The following ADAM22 variants were observed in gnomAD, a reference collection of about 807,000 sequenced individuals.
ADAM22 encodes the protein disintegrin and metalloproteinase domain-containing protein 22.
ADAM22 carries 65 observed loss-of-function variants against 144.6 expected under a neutral mutation model. That is an observed-to-expected ratio of 0.45 (90% confidence interval 0.37 to 0.55). The LOEUF (loss-of-function observed/expected upper bound fraction) is 0.55. Among genes scored for constraint, ADAM22 ranks in the 20% least tolerant of loss-of-function variants. ADAM22 has a pLI of 0.00. For synonymous variants in ADAM22, 391 were observed against 412.6 expected (o/e 0.95, Z 0.63); for missense variants, 974 against 1,184.9 (o/e 0.82, Z 2.61).
rs190370193 is a variant in ADAM22, at chr7:88,014,550, C to G, written c.323+36138C>G. ...CTGAGGTCAGGAATTTGACACTAAC[C>G]TAGCCAACATGGCAAAAACCCGTCT... On this transcript the variant is annotated intron_variant, in intron 3 of 31. Coordinates refer to ENST00000413139, the MANE Select transcript of ADAM22 (RefSeq NM_001324418.2). 1.5e-3 allele frequency among the ~76,000 whole-genome samples: 234 copies of G among 152,202 alleles called. 4 individuals are homozygous for G. The highest frequency in any genetic ancestry group is 4.2e-4 in the South Asian group (2 of 4,814).
chr7:88,119,637 C>T (rs1465079490), intron 7 of ADAM22, among the ~76,000 whole-genome samples: 1 of 152,118 alleles, frequency 6.6e-6, no homozygotes, highest in African/African-American at 2.4e-5. Context: ...TACAGGCATG[C>T]ACTATCATGC....
chr7:87,963,934 T>C (rs1332292999), intron 2 of ADAM22, among the ~76,000 whole-genome samples: 1 of 152,228 alleles, frequency 6.6e-6, no homozygotes, highest in Admixed American at 6.5e-5. Context: ...CTTTTAAATA[T>C]TCAGATGTGA....
intron 29 of ADAM22, 185 bp from the exon 30 acceptor site, chr7:88,186,430 T>C (rs971649766): frequency 1.6e-6 from 1 of 609,600 alleles, no homozygotes; most frequent in Non-Finnish European, 2.9e-6. Context: ...TGAGCCTTGT[T>C]GTAGCTGAGA....
intron 22 of ADAM22, among the ~76,000 whole-genome samples, chr7:88,162,074 G>T (rs1254608867): frequency 7.4e-6 from 1 of 135,636 alleles, no homozygotes; most frequent in Non-Finnish European, 1.5e-5. Flanking sequence ...ATCAGTGGCA[G>T]ACTGGATAAA....
intron 3 of ADAM22, among the ~76,000 whole-genome samples, chr7:88,051,507 C>T (rs1806355547): frequency 1.3e-5 from 2 of 148,398 alleles, no homozygotes; most frequent in African/African-American, 4.9e-5. Context: ...ATAATGAGAA[C>T]ATATGGACAC....
chr7:88,150,921 G>GT, intron 18 of ADAM22, 60 bp from the exon 19 acceptor site: 1 of 1,368,020 alleles, frequency 7.3e-7, no homozygotes, highest in Non-Finnish European at 1.0e-6. Context: ...ACATTAAAGG[G>GT]TTTAGCTCAG....
At chr7:87,964,025 G>A (rs1379189391) in intron 2 of ADAM22, among the ~76,000 whole-genome samples, 1 of 152,014 alleles carries the variant, frequency 6.6e-6, no homozygotes, top group Non-Finnish European at 1.5e-5. Context: ...CAGAGCTAAG[G>A]GTAGTCTTCA....
At chr7:88,078,326 C>T (rs1457371657) in intron 4 of ADAM22, among the ~76,000 whole-genome samples, 1 of 152,096 alleles carries the variant, frequency 6.6e-6, no homozygotes, top group African/African-American at 2.4e-5. Context: ...GAAAGGACAC[C>T]CACACCAAAA....
At chr7:88,033,644 TTC>T (rs1800813055) in intron 3 of ADAM22, among the ~76,000 whole-genome samples, 3 of 152,218 alleles carry the variant, frequency 2.0e-5, no homozygotes, top group Admixed American at 6.5e-5. Context: ...GGCAATGGGA[TTC>T]CCCAGGCTTT....
chr7:87,993,393 T>C (rs1177825520), intron 3 of ADAM22, among the ~76,000 whole-genome samples: 4 of 152,248 alleles, frequency 2.6e-5, no homozygotes, highest in Non-Finnish European at 5.9e-5. Flanking sequence ...TAAATTGCTT[T>C]AAATTTTTTT....
intron 25 of ADAM22, among the ~76,000 whole-genome samples, chr7:88,169,205 T>A (rs1042309527): frequency 2.6e-5 from 4 of 152,118 alleles, no homozygotes; most frequent in Admixed American, 2.0e-4. Context: ...GTTAGTTTAC[T>A]GGCAGGATAA....
At chr7:87,947,043 G>A (rs975983506) in intron 2 of ADAM22, among the ~76,000 whole-genome samples, 2 of 151,996 alleles carry the variant, frequency 1.3e-5, no homozygotes, top group Non-Finnish European at 1.5e-5. Context: ...TAGATACTGG[G>A]GACTAAGAGA....
intron 10 of ADAM22, among the ~76,000 whole-genome samples, chr7:88,130,777 G>T (rs548507751): frequency 6.6e-6 from 1 of 152,242 alleles, no homozygotes; most frequent in South Asian, 2.1e-4. Context: ...TACAATAGTT[G>T]TGCCTTTAAG....
At chr7:88,054,294 CCT>C (rs1282502026) in intron 3 of ADAM22, among the ~76,000 whole-genome samples, 3 of 152,118 alleles carry the variant, frequency 2.0e-5, no homozygotes, top group African/African-American at 7.2e-5. Flanking sequence ...TATGAAAGTT[CCT>C]TTCTCATACC....
chr7:88,073,597 TC>T (rs1272118617), intron 3 of ADAM22, among the ~76,000 whole-genome samples: 1 of 152,184 alleles, frequency 6.6e-6, no homozygotes, highest in Non-Finnish European at 1.5e-5. Flanking sequence ...ATCACGTAAT[TC>T]ACTAAATTAA....
chr7:88,086,129 T>C (rs1818397917), intron 4 of ADAM22, among the ~76,000 whole-genome samples: 1 of 152,154 alleles, frequency 6.6e-6, no homozygotes, highest in Admixed American at 6.5e-5. Flanking sequence ...TGAGCTGAGA[T>C]TGCGCCACTG....
chr7:88,168,388 A>C (rs1387794349), intron 25 of ADAM22, 161 bp downstream of exon 25: 1 of 714,768 alleles, frequency 1.4e-6, no homozygotes, highest in African/African-American at 1.7e-5. Flanking sequence ...GCATGGCGAG[A>C]AGTGATAATA....
intron 14 of ADAM22, among the ~76,000 whole-genome samples, chr7:88,137,396 T>A (rs1279140624): frequency 6.6e-6 from 1 of 152,194 alleles, no homozygotes; most frequent in Non-Finnish European, 1.5e-5. Flanking sequence ...TCCCCTACTA[T>A]TCATGATTGG....
At chr7:88,163,391 C>T (rs1842222954) in intron 23 of ADAM22, among the ~76,000 whole-genome samples, 1 of 151,950 alleles carries the variant, frequency 6.6e-6, no homozygotes, top group African/African-American at 2.4e-5. Flanking sequence ...ATCTTTCTAA[C>T]CAAATTCTCC....
Sources: allele counts gnomAD v4.1 joint callset (sites outside exome capture counted in the v4.1 genomes callset), GRCh38; gene constraint gnomAD v4.1.1; transcripts MANE v1.5; gene names NCBI Gene and HGNC (gene_info 2026-07-23, HGNC 2026-07-21).